Variants in ALG12 observed in about 807,000 individuals in gnomAD.
ALG12 encodes dol-P-Man:Man(7)GlcNAc(2)-PP-Dol alpha-1,6-mannosyltransferase.
A neutral mutation model predicts 46.0 loss-of-function variants in ALG12; 36 were observed. The ratio of observed to expected loss-of-function variants is 0.78; its 90% CI spans 0.60 to 1.03. The LOEUF (loss-of-function observed/expected upper bound fraction) is 1.03. ALG12 is among the 50% of genes least tolerant of loss of function. The pLI is 0.00. For synonymous variants in ALG12, 326 were observed against 291.6 expected (o/e 1.12, Z -1.20); for missense variants, 599 against 633.5 (o/e 0.95, Z 0.58).
At chr22:49,888,651 G>A in the ALG12 span, 48 of 167,398 alleles carry the variant, frequency 2.9e-4, no homozygotes, top group African/African-American at 1.1e-3. Context: ...TGTTCAAGTG[G>A]TGCCAGAATG....
At chr22:49,879,499 A>G in the ALG12 span, among the ~76,000 whole-genome samples, 1,551 of 151,832 alleles carry the variant, frequency 0.01, 26 homozygotes, top group African/African-American at 0.036. Context: ...ATCCGCTCTT[A>G]CAATAGCTGT....
the ALG12 span, chr22:49,884,654 T>C: frequency 6.2e-7 from 1 of 1,612,358 alleles, no homozygotes; most frequent in Non-Finnish European, 8.5e-7. Context: ...ATCAGGCACA[T>C]GTGGAGGGCA....
At chr22:49,890,574 T>C in the ALG12 span, among the ~76,000 whole-genome samples, 1 of 152,158 alleles carries the variant, frequency 6.6e-6, no homozygotes, top group African/African-American at 2.4e-5. Flanking sequence ...GCCTAATGAT[T>C]TCCCAACAAA....
the ALG12 span, among the ~76,000 whole-genome samples, chr22:49,861,883 C>T: frequency 6.6e-6 from 1 of 152,144 alleles, no homozygotes; most frequent in African/African-American, 2.4e-5. Flanking sequence ...GTCTTCAGGT[C>T]TGTTCGTAGC....
chr22:49,886,820 C>T, the ALG12 span: 113 of 1,613,622 alleles, frequency 7.0e-5, no homozygotes, highest in South Asian at 1.2e-3. The surrounding 1 kb of genome is among the most constrained non-coding windows in gnomAD (Gnocchi z 7.7). Context: ...GATGCTGGCT[C>T]CCCGTCGAAA....
chr22:49,884,339 C>T, the ALG12 span: 7 of 1,613,480 alleles, frequency 4.3e-6, no homozygotes, highest in Admixed American at 5.0e-5. Flanking sequence ...ACAGAGGAGT[C>T]TGTGTCTGTA....
At chr22:49,895,604 G>A (rs1464913853), downstream of ALG12, among the ~76,000 whole-genome samples, 3 of 151,532 alleles carry the variant, frequency 2.0e-5, no homozygotes, top group Non-Finnish European at 4.4e-5. Flanking sequence ...GTGAGCTGAG[G>A]TCGCACCATT....
chr22:49,868,910 G>A, the ALG12 span, among the ~76,000 whole-genome samples: 1 of 148,622 alleles, frequency 6.7e-6, no homozygotes, highest in Non-Finnish European at 1.5e-5. Context: ...TTGGGAGTTT[G>A]AGACCAGCCT....
intron 5 of ALG12, 144 bp downstream of exon 5, chr22:49,909,750 G>T: frequency 8.5e-7 from 1 of 1,182,548 alleles, no homozygotes; most frequent in Non-Finnish European, 1.2e-6. Context: ...CGGGCAGGGG[G>T]CTTAGGATTG....
the ALG12 span, among the ~76,000 whole-genome samples, chr22:49,878,389 G>A: frequency 2.0e-5 from 3 of 151,428 alleles, no homozygotes; most frequent in Non-Finnish European, 2.9e-5. Context: ...GCTGGGTTAC[G>A]TGGTCAGTAT....
At chr22:49,909,490 T>C in intron 5 of ALG12, 143 bp from the exon 6 acceptor site, 1 of 853,004 alleles carries the variant, frequency 1.2e-6, no homozygotes. Context: ...TGCTGGAGCC[T>C]AGGAGTTCAA....
the ALG12 span, among the ~76,000 whole-genome samples, chr22:49,882,640 T>G: frequency 6.6e-6 from 1 of 152,176 alleles, no homozygotes. Flanking sequence ...CTCCTGTCTT[T>G]GTAACGCCAT....
At position 49,913,498 on chromosome 22, in the gene ALG12, G is replaced by A; in HGVS notation, c.182C>T (p.Pro61Leu). The A allele has an allele frequency of 6.2e-7, 1 of 1,613,978 alleles. No individual in the cohort carries two copies. Among genetic ancestry groups the A allele is most frequent in the East Asian group, 2.2e-5 (1 of 44,892 alleles). ...GAGGAACGTCCTGGGGACGACTCCG[G>A]GGAACTCAAGATGGTCGTACTGCGA... The part of the protein sequence containing the change: ...DLEQYDHLEF[P>L]GVVPRTFLGP... Residue 61 changes from proline to leucine, a missense_variant, in exon 3 of 10, where the codon CCC becomes CTC. Physicochemically the swap from Pro to Leu is moderately conservative, Grantham distance 98. Transcript: ENST00000330817.
chr22:49,873,838 C>T, the ALG12 span, among the ~76,000 whole-genome samples: 2 of 117,364 alleles, frequency 1.7e-5, no homozygotes, highest in African/African-American at 2.5e-5. Context: ...CAGGGATGCA[C>T]GGCCCACCTT....
At chr22:49,880,349 C>T in the ALG12 span, among the ~76,000 whole-genome samples, 3 of 152,236 alleles carry the variant, frequency 2.0e-5, no homozygotes, top group African/African-American at 7.2e-5. Flanking sequence ...GATCAGTATT[C>T]AGCCAAAGAC....
intron 7 of ALG12, 102 bp from the exon 8 acceptor site, chr22:49,904,608 C>T (rs1430641694): frequency 8.3e-6 from 11 of 1,320,264 alleles, no homozygotes; most frequent in Admixed American, 7.8e-5. Context: ...TCAACTTCAC[C>T]AAGTCATAAC....
chr22:49,870,767 T>A, the ALG12 span, among the ~76,000 whole-genome samples: 1 of 152,176 alleles, frequency 6.6e-6, no homozygotes, highest in Non-Finnish European at 1.5e-5. Context: ...GTGGGTTTTC[T>A]GTTTATTCTG....
chr22:49,907,821 A>G lies in ALG12; in HGVS notation c.892T>C (p.Phe298Leu). ...THAPTVLALG[F>L]MALYSLLPHK... The stretch of plus-strand genomic sequence containing the variant: ...GGCAGGAGGGAGTAGAGTGCCATGA[A>G]GCCCAGTGCCAGCACCGTCGGCGCG... Residue 298 changes from phenylalanine to leucine, a missense_variant, in exon 7 of 10, where the codon TTC becomes CTC. By Grantham distance (22) the Phe-to-Leu change is conservative (BLOSUM62 0). Transcript: ENST00000330817. 6.2e-7 allele frequency: 1 copy of G among 1,614,114 alleles called. No individual in the cohort carries two copies. Among genetic ancestry groups the G allele is most frequent in the Non-Finnish European group, 8.5e-7 (1 of 1,180,024 alleles).
chr22:49,905,425 A>G lies in ALG12; in HGVS notation c.993-919T>C, dbSNP rs1001401398. Among the ~76,000 whole-genome samples, 20 of 152,156 alleles carry G rather than the reference A, an allele frequency of 1.3e-4. No homozygotes were observed. Among genetic ancestry groups the G allele is most frequent in the African/African-American group, 4.6e-4 (19 of 41,534 alleles). ...ATCTCATGTCCAACTGTGATCCCCAATGCTGGAGGTGGGGCCTGGTGGGAG... is the reference window on the plus strand; with the variant it reads ...ATCTCATGTCCAACTGTGATCCCCAGTGCTGGAGGTGGGGCCTGGTGGGAG... On this transcript the variant is annotated intron_variant, in intron 7 of 9. Coordinates refer to ENST00000330817, the MANE Select transcript of ALG12 (RefSeq NM_024105.4). The surrounding 1 kb of genome is among the most constrained non-coding windows in gnomAD (Gnocchi z 4.9).
Sources: allele counts gnomAD v4.1 joint callset (sites outside exome capture counted in the v4.1 genomes callset), GRCh38; gene constraint gnomAD v4.1.1; non-coding constraint Gnocchi (gnomAD v3.1); transcripts MANE v1.5; gene names NCBI Gene and HGNC (gene_info 2026-07-23, HGNC 2026-07-21).